TSPAN18: variants seen among roughly 807,000 people sequenced by gnomAD.
TSPAN18 encodes the protein tetraspanin 18.
TSPAN18 carries 14 observed loss-of-function variants against 27.3 expected under a neutral mutation model. The observed-to-expected ratio is 0.51, with a 90% CI of 0.34 to 0.80. The LOEUF is 0.80. TSPAN18 is among the 30% of genes least tolerant of loss of function. TSPAN18 has a pLI of 0.01. For synonymous variants in TSPAN18, 143 were observed against 136.5 expected (o/e 1.05, Z -0.33); for missense variants, 268 against 323.9 (o/e 0.83, Z 1.32).
chr11:44,900,986 C>T (rs767185722), intron 3 of TSPAN18, among the ~76,000 whole-genome samples: 2 of 152,116 alleles, frequency 1.3e-5, no homozygotes, highest in African/African-American at 2.4e-5. Context: ...TGAGCCACCG[C>T]GCCCGGCCGA....
intron 2 of TSPAN18, among the ~76,000 whole-genome samples, chr11:44,804,086 G>T (rs1168060897): frequency 6.6e-6 from 1 of 151,864 alleles, no homozygotes; most frequent in Non-Finnish European, 1.5e-5. Flanking sequence ...CTCCTGGATG[G>T]TAAATTTCTT....
intron 3 of TSPAN18, among the ~76,000 whole-genome samples, chr11:44,871,338 C>T (rs1394246442): frequency 2.0e-5 from 3 of 152,142 alleles, no homozygotes; most frequent in Non-Finnish European, 4.4e-5. Context: ...AGCAAGCTCT[C>T]CTGTCTTTTC....
chr11:44,926,870 G>A, intron 9 of TSPAN18, 113 bp downstream of exon 9: 1 of 1,214,744 alleles, frequency 8.2e-7, no homozygotes, highest in Admixed American at 1.8e-5. Flanking sequence ...GACCCAAGGG[G>A]CCCCCACTGT....
intron 8 of TSPAN18, 94 bp from the exon 9 acceptor site, chr11:44,926,580 G>C (rs1164796156): frequency 8.7e-7 from 1 of 1,147,020 alleles, no homozygotes; most frequent in African/African-American, 1.5e-5. Flanking sequence ...AGAGCTCTGG[G>C]GACACCTGCC....
intron 1 of TSPAN18, among the ~76,000 whole-genome samples, chr11:44,756,374 C>G (rs1287522174): frequency 6.6e-6 from 1 of 151,514 alleles, no homozygotes; most frequent in Non-Finnish European, 1.5e-5. Context: ...ATAGCTACTC[C>G]CTTTTTTTCC....
chr11:44,791,030 C>A (rs1856206461), intron 2 of TSPAN18, among the ~76,000 whole-genome samples: 1 of 152,192 alleles, frequency 6.6e-6, no homozygotes, highest in South Asian at 2.1e-4. Flanking sequence ...TCTCTCCAGA[C>A]CCTCAAGAAA....
At chr11:44,813,435 G>T (rs907224989) in intron 2 of TSPAN18, among the ~76,000 whole-genome samples, 1 of 152,220 alleles carries the variant, frequency 6.6e-6, no homozygotes, top group African/African-American at 2.4e-5. Context: ...TATATAAAGT[G>T]CCTGGCACAG....
At chr11:44,870,042 G>A (rs1248374964) in intron 3 of TSPAN18, among the ~76,000 whole-genome samples, 1 of 152,158 alleles carries the variant, frequency 6.6e-6, no homozygotes, top group Non-Finnish European at 1.5e-5. Context: ...ATACCTTTCT[G>A]CAATCCTGTT....
At chr11:44,926,488 A>C in intron 8 of TSPAN18, 186 bp from the exon 9 acceptor site, 1 of 617,540 alleles carries the variant, frequency 1.6e-6, no homozygotes, top group Non-Finnish European at 2.9e-6. Flanking sequence ...CTTTGGTGCA[A>C]TGCTGCCAAG....
At chr11:44,921,945 A>G (rs1180208066) in intron 8 of TSPAN18, among the ~76,000 whole-genome samples, 1 of 152,082 alleles carries the variant, frequency 6.6e-6, no homozygotes, top group Non-Finnish European at 1.5e-5. Context: ...AGCCACATTC[A>G]TTCTTTCCAG....
At chr11:44,920,058 C>A in intron 8 of TSPAN18, 59 bp downstream of exon 8, 2 of 1,541,770 alleles carry the variant, frequency 1.3e-6, no homozygotes, top group Non-Finnish European at 1.8e-6. Flanking sequence ...GTGGCCAGAG[C>A]TGGGTGGGAG....
intron 9 of TSPAN18, among the ~76,000 whole-genome samples, chr11:44,928,655 G>A (rs996916860): frequency 6.6e-5 from 10 of 152,148 alleles, no homozygotes; most frequent in African/African-American, 2.4e-4. Flanking sequence ...GCGTGGTGAC[G>A]CATGCCTGTA....
chr11:44,733,339 G>C (rs1472276551), intron 1 of TSPAN18, among the ~76,000 whole-genome samples: 1 of 152,188 alleles, frequency 6.6e-6, no homozygotes, highest in Non-Finnish European at 1.5e-5. Context: ...GCTCTTTGTA[G>C]ATTACAGACT....
chr11:44,920,801 G>C (rs929285560), intron 8 of TSPAN18, among the ~76,000 whole-genome samples: 1 of 152,226 alleles, frequency 6.6e-6, no homozygotes, highest in Non-Finnish European at 1.5e-5. Flanking sequence ...CACAGCAGGG[G>C]ACAGGAGACA....
intron 1 of TSPAN18, among the ~76,000 whole-genome samples, chr11:44,728,334 G>A (rs4755880): frequency 0.13 from 20,300 of 152,264 alleles, 2,603 homozygotes; most frequent in East Asian, 0.69. Flanking sequence ...AATTGGTGCA[G>A]AGAGAGTGGG....
chr11:44,776,048 G>A (rs752798390), intron 2 of TSPAN18, among the ~76,000 whole-genome samples: 11 of 152,308 alleles, frequency 7.2e-5, no homozygotes, highest in Non-Finnish European at 5.9e-5. Flanking sequence ...TCTCTCTGCT[G>A]GCAGAGGATC....
chr11:44,918,048 T>G lies in TSPAN18; in HGVS notation c.333+2T>G. On this transcript the variant is annotated splice_donor_variant, in intron 6 of 9. Transcript: ENST00000520358. LOFTEE classifies it high-confidence loss of function. ...CTGGCCTTCATCTTCAGGGAAAATG[T>G]ACGTATCAGGCCCCAAGCTTTCCTG... 6.2e-7 allele frequency: 1 copy of G among 1,613,972 alleles called. No homozygotes were observed. Among genetic ancestry groups the G allele is most frequent in the South Asian group, 1.1e-5 (1 of 91,090 alleles).
In TSPAN18 at chr11:44,930,847, T is replaced by G. The variant is rs1227128238; in HGVS notation, c.*1669T>G. 2.0e-6 allele frequency: 1 copy of G among 507,580 alleles called. No homozygotes were observed. Among genetic ancestry groups the G allele is most frequent in the Non-Finnish European group, 4.1e-6 (1 of 246,706 alleles). The allele number at this position is 507,580 out of a possible 1,614,324, so 31.4% of individuals were successfully genotyped here. On this transcript the variant is annotated 3_prime_UTR_variant, in exon 10 of 10. Transcript: ENST00000520358. ...GTGATGTCTGCTCTCTTCTCTCCCC[T>G]CTGTCCCTCTTCAGGAAGAAAGAGC...
intron 5 of TSPAN18, among the ~76,000 whole-genome samples, chr11:44,912,649 CAT>C (rs890334785): frequency 2.6e-5 from 4 of 152,198 alleles, no homozygotes; most frequent in African/African-American, 9.6e-5. Flanking sequence ...TGTGCATACT[CAT>C]GTGTATGGGT....
Sources: gnomAD v4.1 joint callset for allele counts (sites outside exome capture counted in the v4.1 genomes callset) on GRCh38, gnomAD v4.1.1 for gene constraint, MANE v1.5 for transcripts, NCBI Gene and HGNC (gene_info 2026-07-23, HGNC 2026-07-21) for gene names.